Variants in MORC1 observed in about 807,000 individuals in gnomAD.
MORC1 encodes the protein MORC family CW-type zinc finger 1.
A neutral mutation model predicts 134.9 loss-of-function variants in MORC1; 59 were observed. The ratio of observed to expected loss-of-function variants is 0.44; its 90% CI spans 0.35 to 0.54. The LOEUF (loss-of-function observed/expected upper bound fraction) is 0.54. MORC1 is among the 20% of genes least tolerant of loss of function. MORC1 has a pLI of 0.00. For missense variants in MORC1, 947 were observed against 1,134.5 expected (o/e 0.83, Z 2.37); for synonymous variants, 395 against 391.7 (o/e 1.01, Z -0.10).
intron 24 of MORC1, among the ~76,000 whole-genome samples, chr3:108,977,422 T>G (rs954412343): frequency 6.6e-6 from 1 of 152,206 alleles, no homozygotes; most frequent in African/African-American, 2.4e-5. Flanking sequence ...CTTGCTATGT[T>G]GCCCAGGCTG....
At chr3:108,998,238 T>G (rs1156388466) in intron 21 of MORC1, among the ~76,000 whole-genome samples, 1 of 152,338 alleles carries the variant, frequency 6.6e-6, no homozygotes, top group East Asian at 1.9e-4. Context: ...CCAGTTGAAC[T>G]GAAGCTGTAT....
At chr3:108,996,228 G>T (rs188253547) in intron 21 of MORC1, among the ~76,000 whole-genome samples, 91 of 151,246 alleles carry the variant, frequency 6.0e-4, no homozygotes, top group African/African-American at 2.1e-3. Context: ...AAAGAGAAAA[G>T]CCTGACGCTA....
chr3:108,968,866 C>T lies in MORC1; in HGVS notation c.2604+803G>A, dbSNP rs374495780. Among the ~76,000 whole-genome samples, 21 of 152,184 alleles carry T rather than the reference C, an allele frequency of 1.4e-4. No homozygotes were observed. In the East Asian group the frequency reaches 2.5e-3, roughly 18 times the overall value. ...AAGTTCTTGACTACTCTGGCCTGTG[C>T]GATGAATCTGGGAATCTTCATGGCC... On this transcript the variant is annotated intron_variant, in intron 26 of 27. Coordinates refer to ENST00000232603, the MANE Select transcript of MORC1 (RefSeq NM_014429.4).
rs1324985399 is a variant in MORC1 at position 109,118,009 on chromosome 3, G to A, written c.51C>T (p.Phe17=). The change falls in exon 1 of 28, where the codon TTC becomes TTT. Residue 17 remains phenylalanine, a synonymous_variant. Transcript: ENST00000232603. ...ALQRAQLRLD[F]IHANSTTHSF... is the part of the protein sequence containing the mutation. ...TCGGCACTCACGAGTTGGCGTGGAT[G>A]AAATCCAGACGCAGCTGGGCCCGCT... 6.2e-7 allele frequency: 1 copy of A among 1,607,254 alleles called. No homozygotes were observed. The highest frequency in any genetic ancestry group is 8.5e-7 in the Non-Finnish European group (1 of 1,177,240).
At chr3:109,074,113 C>T (rs1013271919) in intron 8 of MORC1, among the ~76,000 whole-genome samples, 1 of 152,124 alleles carries the variant, frequency 6.6e-6, no homozygotes, top group African/African-American at 2.4e-5. Flanking sequence ...CAACGTGGCA[C>T]CTAATTTTAA....
chr3:109,039,979 G>A (rs977512375), intron 14 of MORC1, among the ~76,000 whole-genome samples: 5 of 151,984 alleles, frequency 3.3e-5, no homozygotes, highest in Admixed American at 2.6e-4. Flanking sequence ...ATGTAGAGAG[G>A]AAATTAGGAA....
intron 17 of MORC1, among the ~76,000 whole-genome samples, chr3:109,009,713 G>T (rs1948637641): frequency 1.3e-5 from 2 of 152,070 alleles, no homozygotes; most frequent in African/African-American, 4.8e-5. Context: ...CTTGGTCAAA[G>T]GAATCTATAT....
intron 8 of MORC1, 80 bp downstream of exon 8, chr3:109,093,356 A>G (rs762701246): frequency 9.4e-6 from 10 of 1,064,574 alleles, no homozygotes; most frequent in Non-Finnish European, 1.4e-5. Context: ...CAGTGACCTC[A>G]GACCTGGAGC....
At chr3:109,064,471 G>A (rs1253032627) in intron 9 of MORC1, among the ~76,000 whole-genome samples, 1 of 152,034 alleles carries the variant, frequency 6.6e-6, no homozygotes, top group Non-Finnish European at 1.5e-5. Context: ...TGACTGGTTT[G>A]ATCAGAACAA....
chr3:109,039,246 G>T (rs577763571), intron 14 of MORC1, among the ~76,000 whole-genome samples: 119 of 152,182 alleles, frequency 7.8e-4, no homozygotes, highest in African/African-American at 2.7e-3. Context: ...TAACTATTTA[G>T]TATTTACTAT....
intron 21 of MORC1, among the ~76,000 whole-genome samples, chr3:108,996,236 C>CTACCACAATACACATGCCTG (rs1232941263): frequency 6.9e-6 from 1 of 144,472 alleles, no homozygotes; most frequent in Admixed American, 6.9e-5. Flanking sequence ...AAGCCTGACG[C>CTACCACAATACACATGCCTG]TACCACAATA....
intron 9 of MORC1, among the ~76,000 whole-genome samples, chr3:109,066,444 C>T (rs1312843062): frequency 6.6e-6 from 1 of 152,034 alleles, no homozygotes; most frequent in East Asian, 1.9e-4. Flanking sequence ...TGCCACCACG[C>T]CTGGCTATGT....
At chr3:108,975,855 T>C (rs1947536395) in intron 24 of MORC1, among the ~76,000 whole-genome samples, 1 of 152,094 alleles carries the variant, frequency 6.6e-6, no homozygotes, top group African/African-American at 2.4e-5. Context: ...TTTAATAGTC[T>C]GGAACCAGTT....
chr3:109,075,523 C>A (rs999566493), intron 8 of MORC1, among the ~76,000 whole-genome samples: 2 of 152,094 alleles, frequency 1.3e-5, no homozygotes, highest in Non-Finnish European at 2.9e-5. Flanking sequence ...ATATGGCTAG[C>A]CAATTTTCCC....
Position 109,040,420 on chromosome 3 carries a change from G to GAAGGAAGGAAGA in MORC1, c.1331-4953_1331-4952insTCTTCCTTCCTT, listed in dbSNP as rs1949492771. ...AAAGAAAGAGAAGGAAGGAAGGAAG[G>GAAGGAAGGAAGA]AAGGAAGGAAAGAAAGAAAGAAAGA... On this transcript the variant is annotated intron_variant, in intron 14 of 27. Transcript: ENST00000232603. Among the ~76,000 whole-genome samples, 3 of 57,938 alleles carry GAAGGAAGGAAGA rather than the reference G, an allele frequency of 5.2e-5. 1 individual carries two copies. Among genetic ancestry groups the GAAGGAAGGAAGA allele is most frequent in the African/African-American group, 1.6e-4 (3 of 19,166 alleles). 38.0% of individuals were successfully genotyped at this position (57,938 alleles called of 152,430 possible). A position where few individuals can be genotyped will look rare whatever the true frequency, so the allele number is the denominator to read the frequency against.
intron 25 of MORC1, among the ~76,000 whole-genome samples, chr3:108,971,001 C>G (rs1383390925): frequency 2.6e-5 from 4 of 152,140 alleles, no homozygotes; most frequent in Non-Finnish European, 5.9e-5. Flanking sequence ...CAATCCTCAG[C>G]TCAGCTGCTC....
At chr3:109,030,512 A>C (rs918375575) in intron 16 of MORC1, among the ~76,000 whole-genome samples, 18 of 152,182 alleles carry the variant, frequency 1.2e-4, no homozygotes, top group African/African-American at 4.3e-4. Context: ...ATCTCCCCTA[A>C]ATTTCTTGCT....
intron 9 of MORC1, among the ~76,000 whole-genome samples, chr3:109,064,830 G>A (rs778672617): frequency 3.3e-5 from 5 of 152,116 alleles, no homozygotes; most frequent in Admixed American, 6.6e-5. Flanking sequence ...AGATGTGGAC[G>A]TTGAATAGAC....
chr3:109,045,541 C>T (rs2012208800), intron 14 of MORC1, among the ~76,000 whole-genome samples: 1 of 152,114 alleles, frequency 6.6e-6, no homozygotes, highest in African/African-American at 2.4e-5. Flanking sequence ...GAAGAATTGC[C>T]ATGATGATTT....
Sources: allele counts gnomAD v4.1 joint callset (sites outside exome capture counted in the v4.1 genomes callset), GRCh38; gene constraint gnomAD v4.1.1; transcripts MANE v1.5; gene names NCBI Gene and HGNC (gene_info 2026-07-23, HGNC 2026-07-21).